The following GP2 variants were observed in gnomAD, a reference collection of about 807,000 sequenced individuals.
GP2 encodes glycoprotein 2.
In GP2, 58 loss-of-function variants were observed where a neutral mutation model predicts 60.8. The observed-to-expected ratio is 0.95, with a 90% CI of 0.77 to 1.19. GP2 has a LOEUF of 1.19. GP2 is among the 50% of genes most tolerant of loss of function. The pLI, the probability that GP2 is intolerant of heterozygous loss-of-function variation, is 0.00. For synonymous variants in GP2, 280 were observed against 253.4 expected (o/e 1.10, Z -1.00); for missense variants, 647 against 667.4 (o/e 0.97, Z 0.34).
At chr16:20,314,246 A>T (rs1473005258) in intron 10 of GP2, among the ~76,000 whole-genome samples, 1 of 118,754 alleles carries the variant, frequency 8.4e-6, no homozygotes, top group Non-Finnish European at 1.7e-5. Context: ...AAAATGAATT[A>T]AAAAAAAAAA....
Position 20,319,639 on chromosome 16 carries a change from C to T in GP2, c.988G>A (p.Ala330Thr), listed in dbSNP as rs747916627. Residue 330 changes from alanine (A) to threonine (T), a missense_variant, in exon 6 of 11, where the codon GCC (alanine) becomes ACC (threonine). Transcript: ENST00000302555. ...CCATACCTTACAATGGGCTGCAAGG[C>T]AGCTTGGAGGCTGACTTTCATGTCC... ...PLDMKVSLQA[A>T]LQPIVSSLNV... The T allele has an allele frequency of 6.2e-7, 1 of 1,612,984 alleles. No individual in the cohort carries two copies. Among genetic ancestry groups the T allele is most frequent in the South Asian group, 1.1e-5 (1 of 91,046 alleles).
At chr16:20,323,017 A>G (rs1264609223) in intron 3 of GP2, 38 bp from the exon 4 acceptor site, 1 of 1,227,486 alleles carries the variant, frequency 8.1e-7, no homozygotes, top group South Asian at 1.2e-5. Flanking sequence ...ATCAGGATGC[A>G]GTGCGGGCTG....
At position 20,323,680 on chromosome 16, in the gene GP2, C is replaced by T. The variant is rs75452780; in HGVS notation, c.535+136G>A. 8.3e-3 allele frequency: 5,283 copies of T among 635,438 alleles called. 36 individuals carry two copies. The highest frequency in any genetic ancestry group is 0.011 in the Non-Finnish European group (3,837 of 357,832). 39.4% of individuals were successfully genotyped at this position (635,438 alleles called of 1,614,324 possible). On this transcript the variant is annotated intron_variant, in intron 3 of 10. Coordinates refer to ENST00000302555, the MANE Select transcript of GP2 (RefSeq NM_001502.4). ...AAGGTCTCAACCCCTGTGTTGAGTT[C>T]TCACTGGGCAGGAGCTGAGTCGAGG...
chr16:20,323,495 C>CG (rs1964434893), intron 3 of GP2: 9 of 589,562 alleles, frequency 1.5e-5, no homozygotes, highest in South Asian at 3.6e-5. Context: ...ACCCCCCCCC[C>CG]CTTTTTTTCA....
rs984862698 is a variant in GP2 at position 20,318,397 on chromosome 16, C to T, written c.1041G>A (p.Glu347=). The change falls in exon 7 of 11, where the codon GAG becomes GAA. Residue 347 remains glutamate (E), a synonymous_variant. Transcript: ENST00000302555. Reference sequence around the variant, plus strand: ...GGAAGAGGGCCATCCTGACAATGAACTCTCCATTCCCGTCCACACTGACGT... The same window carrying T: ...GGAAGAGGGCCATCCTGACAATGAATTCTCCATTCCCGTCCACACTGACGT... ...SLNVSVDGNG[E]FIVRMALFQD... 1 of 1,613,254 alleles carries T rather than the reference C, an allele frequency of 6.2e-7. No homozygotes were observed. The highest frequency in any genetic ancestry group is 1.7e-5 in the Admixed American group (1 of 60,008).
rs756308591 is a variant in GP2 at position 20,311,189 on chromosome 16, C to T, written c.*34G>A. ...AGGGAGCCATTGCCAGAGGGAAGAA[C>T]ACAAACTTCAAGGCCAGATGCTCAG... On this transcript the variant is annotated 3_prime_UTR_variant, in exon 11 of 11. Transcript: ENST00000302555. 12 of 1,461,712 alleles carry T rather than the reference C, an allele frequency of 8.2e-6. No homozygotes were observed. The South Asian group carries it at 1.4e-4, about 17-fold the overall frequency. 90.5% of individuals were successfully genotyped at this position (1,461,712 alleles called of 1,614,324 possible). A position where few individuals can be genotyped will look rare whatever the true frequency, so the allele number is the denominator to read the frequency against.
chr16:20,310,231 A>G lies in GP2; in HGVS notation c.*992T>C, dbSNP rs548470755. On this transcript the variant is annotated 3_prime_UTR_variant, in exon 11 of 11. Transcript: ENST00000302555. ...GACTTCTTGCTTAATCCTTCAGAGC[A>G]AGCACAGCACTGTTTACAGTGAGAG... 1 of 152,330 alleles carries G rather than the reference A, an allele frequency of 6.6e-6. No individual in the cohort carries two copies. Among genetic ancestry groups the G allele is most frequent in the Non-Finnish European group, 1.5e-5 (1 of 68,044 alleles). The allele number at this position is 152,330 out of a possible 1,614,324, so 9.4% of individuals were successfully genotyped here. A position where few individuals can be genotyped will look rare whatever the true frequency, so the allele number is the denominator to read the frequency against.
chr16:20,319,987 G>C (rs1343040226), intron 5 of GP2, among the ~76,000 whole-genome samples: 2 of 152,112 alleles, frequency 1.3e-5, no homozygotes, highest in Non-Finnish European at 2.9e-5. Flanking sequence ...ATAAATTATT[G>C]ACCCTTGGGA....
intron 10 of GP2, among the ~76,000 whole-genome samples, chr16:20,312,717 C>G (rs994556783): frequency 6.6e-6 from 1 of 151,788 alleles, no homozygotes; most frequent in East Asian, 1.9e-4. Flanking sequence ...ATGGTGCAAT[C>G]TCAGCTCACC....
intron 6 of GP2, among the ~76,000 whole-genome samples, chr16:20,318,845 G>C (rs989056287): frequency 9.2e-5 from 14 of 152,034 alleles, no homozygotes; most frequent in African/African-American, 3.4e-4. Context: ...TATGAACCAG[G>C]AGCCCCAGCA....
rs201357029 is a variant in GP2 at position 20,324,236 on chromosome 16, C to T, written c.115G>A (p.Ala39Thr). Residue 39 changes from alanine (A) to threonine (T), a missense_variant, in exon 3 of 11, where the codon GCC becomes ACC. Transcript: ENST00000302555. The part of the protein sequence containing the change: ...VQRGYGNPIE[A>T]SSYGLDLDCG... ...TCCAGGTCCAGCCCATACGAACTGG[C>T]TTCAATGGGGTTTCCATAACCTGGG... The T allele has an allele frequency of 1.9e-6, 3 of 1,600,698 alleles. No homozygotes were observed. Among genetic ancestry groups the T allele is most frequent in the African/African-American group, 2.7e-5 (2 of 74,692 alleles).
At chr16:20,319,920 G>A in intron 5 of GP2, 152 bp from the exon 6 acceptor site, 3 of 691,494 alleles carry the variant, frequency 4.3e-6, no homozygotes, top group South Asian at 1.8e-5. Context: ...TCTTCCTTCA[G>A]TGTTACTGAC....
intron 10 of GP2, 62 bp from the exon 11 acceptor site, chr16:20,311,343 T>C (rs1319720355): frequency 2.1e-6 from 2 of 975,450 alleles, no homozygotes; most frequent in East Asian, 4.8e-5. Flanking sequence ...CAAACATAAG[T>C]TGGCCTCTTT....
intron 6 of GP2, 121 bp from the exon 7 acceptor site, chr16:20,318,551 C>T: frequency 1.2e-6 from 1 of 838,704 alleles, no homozygotes; most frequent in Non-Finnish European, 1.9e-6. Flanking sequence ...GTGAACTAGT[C>T]AATCAGTCGT....
chr16:20,315,828 G>A, intron 9 of GP2, 128 bp downstream of exon 9: 1 of 683,260 alleles, frequency 1.5e-6, no homozygotes, highest in Non-Finnish European at 2.7e-6. Context: ...CAAAGAATAG[G>A]TTTTTCAGTA....
chr16:20,309,805 T>C lies in GP2; in HGVS notation c.*1418A>G, dbSNP rs1301570646. The C allele has an allele frequency of 6.6e-6, 1 of 152,172 alleles. No homozygotes were observed. The highest frequency in any genetic ancestry group is 2.4e-5 in the African/African-American group (1 of 41,438). 9.4% of individuals were successfully genotyped at this position (152,172 alleles called of 1,614,324 possible). A position where few individuals can be genotyped will look rare whatever the true frequency, so the allele number is the denominator to read the frequency against. ...TCTCTTGCACTGGAACTTTGTGCTC[T>C]TATGTCCTTATAATTAACTCCCTTT... On this transcript the variant is annotated 3_prime_UTR_variant, in exon 11 of 11. Coordinates refer to ENST00000302555, the MANE Select transcript of GP2 (RefSeq NM_001502.4).
chr16:20,314,814 A>G (rs2077756885), intron 9 of GP2, 113 bp from the exon 10 acceptor site: 1 of 789,016 alleles, frequency 1.3e-6, no homozygotes. Context: ...ACCACCAGCA[A>G]GTTTGTGGCC....
intron 2 of GP2, among the ~76,000 whole-genome samples, chr16:20,325,254 C>T (rs528996577): frequency 6.6e-5 from 10 of 152,210 alleles, no homozygotes; most frequent in Non-Finnish European, 1.3e-4. Flanking sequence ...GGTTCTCAAA[C>T]TTTATCCGTT....
chr16:20,322,996 GGAGA>G lies in GP2; in HGVS notation c.536-21_536-18del. The G allele has an allele frequency of 7.0e-7, 1 of 1,422,152 alleles. No homozygotes were observed. The highest frequency in any genetic ancestry group is 9.9e-7 in the Non-Finnish European group (1 of 1,005,724). 88.1% of individuals were successfully genotyped at this position (1,422,152 alleles called of 1,614,324 possible). A position where few individuals can be genotyped will look rare whatever the true frequency, so the allele number is the denominator to read the frequency against. ...TGGATGGGTCTAGGTGATGGGGCAT[GGAGA>G]GAGAAGATCAGGATGCAGTGCGGGC... is the stretch of plus-strand genomic sequence containing the variant. On this transcript the variant is annotated intron_variant, in intron 3 of 10. Transcript: ENST00000302555.
Sources: gnomAD v4.1 joint callset for allele counts (sites outside exome capture counted in the v4.1 genomes callset) on GRCh38, gnomAD v4.1.1 for gene constraint, MANE v1.5 for transcripts, NCBI Gene and HGNC (gene_info 2026-07-23, HGNC 2026-07-21) for gene names.